DACH1: variants seen among roughly 807,000 people sequenced by gnomAD.
The protein encoded by DACH1 is dachshund homolog 1.
A neutral mutation model predicts 54.2 loss-of-function variants in DACH1; 12 were observed. The observed-to-expected ratio is 0.22, with a 90% CI of 0.14 to 0.36. The LOEUF (loss-of-function observed/expected upper bound fraction) is 0.36. Among genes scored for constraint, DACH1 ranks in the 10% least tolerant of loss-of-function variants. The pLI, the probability that DACH1 is intolerant of heterozygous loss-of-function variation, is 1.00. For missense variants in DACH1, 805 were observed against 929.8 expected, an observed-to-expected ratio of 0.87 and a Z score of 1.75; for synonymous variants, 386 against 366.2, an observed-to-expected ratio of 1.05 and a Z score of -0.62.
At chr13:71,474,559 TCTG>T (rs1877351312) in intron 10 of DACH1, among the ~76,000 whole-genome samples, 1 of 152,172 alleles carries the variant, frequency 6.6e-6, no homozygotes, top group Middle Eastern at 3.2e-3. Flanking sequence ...ATTTAGCTCT[TCTG>T]AGCATTTAAT....
At chr13:71,658,318 G>A (rs1211521423) in intron 2 of DACH1, among the ~76,000 whole-genome samples, 3 of 152,158 alleles carry the variant, frequency 2.0e-5, no homozygotes, top group Non-Finnish European at 4.4e-5. Context: ...GGGAAGCTGA[G>A]GCGGGTGGAT....
rs182569209 is a variant in DACH1, at chr13:71,812,041, A to T, written c.848+53881T>A. On this transcript the variant is annotated intron_variant, in intron 1 of 10. Coordinates refer to ENST00000613252, the MANE Select transcript of DACH1 (RefSeq NM_080759.6). Reference sequence around the variant, plus strand: ...AATTAAAATGGTCTACAGCTGTTTAAAACTGTGCTCCCACTACTAATTTTA... The same window carrying T: ...AATTAAAATGGTCTACAGCTGTTTATAACTGTGCTCCCACTACTAATTTTA... Among the ~76,000 whole-genome samples the T allele has an allele frequency of 2.4e-3, 367 of 152,290 alleles. 2 individuals carry two copies. The highest frequency in any genetic ancestry group is 8.6e-3 in the African/African-American group (358 of 41,554).
At chr13:71,776,617 T>C (rs1886076171) in intron 1 of DACH1, among the ~76,000 whole-genome samples, 1 of 152,148 alleles carries the variant, frequency 6.6e-6, no homozygotes, top group Non-Finnish European at 1.5e-5. Context: ...TCATTTGCTT[T>C]CATTGAAAAG....
intron 1 of DACH1, among the ~76,000 whole-genome samples, chr13:71,712,831 A>T (rs1000199187): frequency 1.3e-5 from 2 of 152,138 alleles, no homozygotes; most frequent in Non-Finnish European, 2.9e-5. Flanking sequence ...CAACCTTTTC[A>T]TATTTCACTA....
intron 1 of DACH1, among the ~76,000 whole-genome samples, chr13:71,714,032 T>A (rs1882858519): frequency 6.6e-6 from 1 of 152,070 alleles, no homozygotes; most frequent in South Asian, 2.1e-4. Context: ...CTACAGATAC[T>A]TGAATATCAT....
chr13:71,779,196 C>CGT (rs1389537722), intron 1 of DACH1, among the ~76,000 whole-genome samples: 1 of 117,714 alleles, frequency 8.5e-6, no homozygotes, highest in East Asian at 2.2e-4. Context: ...TACGTATATA[C>CGT]GTATATATGT....
intron 2 of DACH1, among the ~76,000 whole-genome samples, chr13:71,634,933 T>C (rs897876926): frequency 1.3e-5 from 2 of 152,214 alleles, no homozygotes; most frequent in African/African-American, 4.8e-5. Context: ...AACAGTCTCT[T>C]AAACTCTTTA....
intron 1 of DACH1, among the ~76,000 whole-genome samples, chr13:71,694,758 A>G (rs1881734621): frequency 6.6e-6 from 1 of 152,182 alleles, no homozygotes; most frequent in Non-Finnish European, 1.5e-5. Context: ...ATTTATTTAT[A>G]GCTGAATCAT....
At chr13:71,806,537 C>T (rs1015288369) in intron 1 of DACH1, among the ~76,000 whole-genome samples, 3 of 152,062 alleles carry the variant, frequency 2.0e-5, no homozygotes, top group Non-Finnish European at 4.4e-5. Context: ...CTGATAAGTA[C>T]CCTAAGCACA....
chr13:71,759,711 T>C (rs1200044107), intron 1 of DACH1, among the ~76,000 whole-genome samples: 1 of 152,192 alleles, frequency 6.6e-6, no homozygotes, highest in Non-Finnish European at 1.5e-5. Context: ...ACTGCAACAT[T>C]ACACTTAATG....
intron 3 of DACH1, among the ~76,000 whole-genome samples, chr13:71,612,030 T>C (rs1233333024): frequency 6.6e-6 from 1 of 152,094 alleles, no homozygotes; most frequent in Non-Finnish European, 1.5e-5. Context: ...GGATATAACA[T>C]CACAAAAGAT....
intron 1 of DACH1, among the ~76,000 whole-genome samples, chr13:71,789,776 A>T (rs1886759115): frequency 6.6e-6 from 1 of 152,122 alleles, no homozygotes; most frequent in South Asian, 2.1e-4. Context: ...CTGAATTAGA[A>T]TATTGGACAG....
At chr13:71,678,379 T>C (rs1880693474) in intron 2 of DACH1, among the ~76,000 whole-genome samples, 1 of 152,204 alleles carries the variant, frequency 6.6e-6, no homozygotes, top group African/African-American at 2.4e-5. Context: ...TCTAAACTTC[T>C]GCATCTAGAA....
intron 10 of DACH1, among the ~76,000 whole-genome samples, chr13:71,456,305 G>A (rs1875558732): frequency 6.6e-6 from 1 of 151,998 alleles, no homozygotes; most frequent in Non-Finnish European, 1.5e-5. Context: ...TATATTTCAT[G>A]CCCATTGTGA....
intron 1 of DACH1, among the ~76,000 whole-genome samples, chr13:71,754,550 G>T (rs1450549012): frequency 1.3e-5 from 2 of 152,096 alleles, no homozygotes; most frequent in Admixed American, 1.3e-4. Flanking sequence ...GTTTATGGAG[G>T]TTAAATGGCT....
At chr13:71,834,492 A>G (rs1888706965) in intron 1 of DACH1, among the ~76,000 whole-genome samples, 1 of 152,198 alleles carries the variant, frequency 6.6e-6, no homozygotes, top group Admixed American at 6.6e-5. Flanking sequence ...CCTCTGAAAT[A>G]CTATTATGGG....
In DACH1 at chr13:71,526,952, A is replaced by T. The variant is rs554479812; in HGVS notation, c.1570+30072T>A. Among the ~76,000 whole-genome samples the T allele has an allele frequency of 2.6e-5, 4 of 151,834 alleles. No individual in the cohort carries two copies. The East Asian group carries it at 7.7e-4, about 29-fold the overall frequency. On this transcript the variant is annotated intron_variant, in intron 6 of 10. Transcript: ENST00000613252. ...CTTCGTTGGAAAGCTTAAACTTTGTATATTATATTCATTTGGAATTATTTC... is the reference window on the plus strand; with the variant it reads ...CTTCGTTGGAAAGCTTAAACTTTGTTTATTATATTCATTTGGAATTATTTC...
At chr13:71,865,440 C>T (rs1008125956) in intron 1 of DACH1, among the ~76,000 whole-genome samples, 11 of 152,120 alleles carry the variant, frequency 7.2e-5, no homozygotes, top group Admixed American at 6.5e-5. Flanking sequence ...GTCACGACCT[C>T]CCCCCGCCCC....
intron 2 of DACH1, among the ~76,000 whole-genome samples, chr13:71,655,600 A>C (rs1879040843): frequency 6.6e-6 from 1 of 151,690 alleles, no homozygotes; most frequent in African/African-American, 2.4e-5. Flanking sequence ...CGAACTCCCG[A>C]CCTCAGGTGA....
Sources: allele counts gnomAD v4.1 joint callset (sites outside exome capture counted in the v4.1 genomes callset), GRCh38; gene constraint gnomAD v4.1.1; transcripts MANE v1.5; gene names NCBI Gene and HGNC (gene_info 2026-07-23, HGNC 2026-07-21).